PDE4D: variants seen among roughly 807,000 people sequenced by gnomAD.
PDE4D encodes 3',5'-cyclic-AMP phosphodiesterase 4D.
A neutral mutation model predicts 87.4 loss-of-function variants in PDE4D; 24 were observed. That is an observed-to-expected ratio of 0.27 (90% CI 0.20 to 0.39). The LOEUF (loss-of-function observed/expected upper bound fraction) is 0.39. PDE4D is among the 10% of genes least tolerant of loss of function. The pLI, the probability that PDE4D is intolerant of heterozygous loss-of-function variation, is 1.00. For missense variants in PDE4D, 714 were observed against 1,041.0 expected, an observed-to-expected ratio of 0.69 and a Z score of 4.32; for synonymous variants, 384 against 383.2, an observed-to-expected ratio of 1.00 and a Z score of -0.02.
In PDE4D at chr5:59,934,288, G is replaced by A. The variant is rs73761057; in HGVS notation, c.272+54200C>T. Among the ~76,000 whole-genome samples the A allele has an allele frequency of 5.0e-3, 754 of 152,276 alleles. 3 individuals carry two copies. Among genetic ancestry groups the A allele is most frequent in the African/African-American group, 0.017 (725 of 41,536 alleles). ...GAAATTACTGCATAACGAAGTAAAA[G>A]GCATTGAGTTTTGTCATTTTTGTGA... On this transcript the variant is annotated intron_variant, in intron 3 of 16. Coordinates refer to the PDE4D transcript ENST00000502484.
chr5:59,038,636 C>T (rs1758987519), intron 6 of PDE4D, among the ~76,000 whole-genome samples: 2 of 152,172 alleles, frequency 1.3e-5, no homozygotes, highest in Non-Finnish European at 2.9e-5. Context: ...TTGGGAGATA[C>T]TTAAATTTAG....
intron 1 of PDE4D, among the ~76,000 whole-genome samples, chr5:60,482,936 A>G (rs77722352): frequency 6.6e-6 from 1 of 152,266 alleles, no homozygotes; most frequent in East Asian, 1.9e-4. Context: ...TGTTTTAGCA[A>G]TTTTAAGTAG....
intron 6 of PDE4D, among the ~76,000 whole-genome samples, chr5:59,036,016 A>G (rs956166556): frequency 2.0e-5 from 3 of 152,250 alleles, no homozygotes; most frequent in Non-Finnish European, 4.4e-5. Flanking sequence ...AGCAAGAAAC[A>G]TATATAATAC....
At chr5:59,041,364 TTC>T (rs1263481165) in intron 5 of PDE4D, among the ~76,000 whole-genome samples, 1 of 152,204 alleles carries the variant, frequency 6.6e-6, no homozygotes, top group Non-Finnish European at 1.5e-5. Flanking sequence ...CACAATCATT[TTC>T]ATTTTACTGA....
intron 1 of PDE4D, among the ~76,000 whole-genome samples, chr5:59,346,647 T>C (rs896700977): frequency 3.3e-5 from 5 of 152,096 alleles, no homozygotes; most frequent in African/African-American, 1.2e-4. Context: ...GAGTATCTCA[T>C]CCAAGGGGTT....
At chr5:60,382,583 A>C (rs868849604) in intron 1 of PDE4D, among the ~76,000 whole-genome samples, 2 of 151,578 alleles carry the variant, frequency 1.3e-5, no homozygotes, top group Non-Finnish European at 2.9e-5. Flanking sequence ...CATTTCAGAA[A>C]CTCCTTTAAA....
intron 1 of PDE4D, among the ~76,000 whole-genome samples, chr5:59,493,889 C>T (rs543399953): frequency 2.6e-5 from 4 of 152,256 alleles, no homozygotes; most frequent in South Asian, 2.1e-4. Context: ...GTGGAACATA[C>T]GTCTGAGCAT....
chr5:59,805,911 G>A (rs1767681922), intron 1 of PDE4D, among the ~76,000 whole-genome samples: 1 of 152,192 alleles, frequency 6.6e-6, no homozygotes, highest in Non-Finnish European at 1.5e-5. Context: ...CTCCCCGTCT[G>A]TCAGGGTCAC....
intron 1 of PDE4D, among the ~76,000 whole-genome samples, chr5:60,404,161 CTT>C (rs35780128): frequency 0.26 from 31,361 of 118,766 alleles, 2,031 homozygotes; most frequent in South Asian, 0.44. Flanking sequence ...TCAGCCAATT[CTT>C]TTTTTTTTTT....
At chr5:60,003,618 A>G (rs1382907348) in intron 2 of PDE4D, among the ~76,000 whole-genome samples, 1 of 150,964 alleles carries the variant, frequency 6.6e-6, no homozygotes, top group African/African-American at 2.4e-5. Context: ...GCTGAGGCAG[A>G]GAATTGCTTG....
At chr5:59,429,547 A>G (rs1482025011) in intron 1 of PDE4D, among the ~76,000 whole-genome samples, 1 of 152,164 alleles carries the variant, frequency 6.6e-6, no homozygotes, top group Non-Finnish European at 1.5e-5. Context: ...TCCAAGTAAA[A>G]TACATTGCTT....
intron 2 of PDE4D, among the ~76,000 whole-genome samples, chr5:59,199,955 T>C (rs189805198): frequency 2.0e-5 from 3 of 151,550 alleles, no homozygotes; most frequent in Non-Finnish European, 2.9e-5. Context: ...TACATACATG[T>C]ATACATACAG....
chr5:60,063,255 T>A (rs539909987), intron 2 of PDE4D, among the ~76,000 whole-genome samples: 1 of 152,006 alleles, frequency 6.6e-6, no homozygotes, highest in East Asian at 1.9e-4. Context: ...TATGTAAACA[T>A]TAGGATCCAC....
intron 1 of PDE4D, chr5:60,521,908 C>T (rs149952963): frequency 6.7e-6 from 1 of 148,862 alleles, no homozygotes; most frequent in Non-Finnish European, 1.5e-5. Context: ...GAACCCTGCA[C>T]TAAAGCTTTG....
chr5:59,668,760 A>C (rs1187353885), intron 1 of PDE4D, among the ~76,000 whole-genome samples: 9 of 144,652 alleles, frequency 6.2e-5, no homozygotes, highest in African/African-American at 2.0e-4. Context: ...AGAAGAAAGA[A>C]GAAAGAAGAA....
At chr5:60,046,017 T>C (rs966345721) in intron 2 of PDE4D, among the ~76,000 whole-genome samples, 5 of 152,356 alleles carry the variant, frequency 3.3e-5, no homozygotes, top group Admixed American at 3.3e-4. Context: ...TTCTTCCATT[T>C]GTTTGTATCC....
intron 1 of PDE4D, among the ~76,000 whole-genome samples, chr5:60,397,732 G>A (rs370140783): frequency 3.9e-5 from 6 of 152,170 alleles, no homozygotes; most frequent in Non-Finnish European, 8.8e-5. Flanking sequence ...ATTACACAAG[G>A]TGTTGACTAT....
intron 7 of PDE4D, 21 bp downstream of exon 7, chr5:58,993,351 A>G (rs1348248582): frequency 1.4e-6 from 2 of 1,392,696 alleles, no homozygotes; most frequent in Non-Finnish European, 2.0e-6. Flanking sequence ...AAAAAATTTA[A>G]TTGCATGTTG....
intron 1 of PDE4D, among the ~76,000 whole-genome samples, chr5:59,836,668 C>CAT (rs1561741710): frequency 7.2e-5 from 9 of 124,898 alleles, no homozygotes; most frequent in South Asian, 4.5e-4. Context: ...CATCTATCTA[C>CAT]CTATCTATCT....
Sources: allele counts gnomAD v4.1 joint callset (sites outside exome capture counted in the v4.1 genomes callset), GRCh38; gene constraint gnomAD v4.1.1; transcripts MANE v1.5; gene names NCBI Gene and HGNC (gene_info 2026-07-23, HGNC 2026-07-21).